KCNMB2: variants seen among roughly 807,000 people sequenced by gnomAD.
KCNMB2 encodes calcium-activated potassium channel subunit beta-2.
KCNMB2 carries 9 observed loss-of-function variants against 24.5 expected under a neutral mutation model. The ratio of observed to expected loss-of-function variants is 0.37; its 90% CI spans 0.22 to 0.64. The LOEUF (loss-of-function observed/expected upper bound fraction) is 0.64. Among genes scored for constraint, KCNMB2 ranks in the 30% least tolerant of loss-of-function variants. The pLI, the probability that KCNMB2 is intolerant of heterozygous loss-of-function variation, is 0.63. For missense variants in KCNMB2, 226 were observed against 284.3 expected, an observed-to-expected ratio of 0.79 and a Z score of 1.47; for synonymous variants, 109 against 104.4, an observed-to-expected ratio of 1.04 and a Z score of -0.27.
At chr3:178,613,584 A>C (rs534684192) in intron 1 of KCNMB2, among the ~76,000 whole-genome samples, 1 of 152,260 alleles carries the variant, frequency 6.6e-6, no homozygotes, top group East Asian at 1.9e-4. Flanking sequence ...TTCATGATGA[A>C]GGATATTTTC....
At chr3:178,539,391 A>G (rs1240799087) in intron 1 of KCNMB2, among the ~76,000 whole-genome samples, 1 of 152,188 alleles carries the variant, frequency 6.6e-6, no homozygotes, top group East Asian at 1.9e-4. Context: ...GAATTGGTGC[A>G]TTTTATTCTC....
At chr3:178,574,568 T>C (rs556646249) in intron 1 of KCNMB2, among the ~76,000 whole-genome samples, 25 of 152,206 alleles carry the variant, frequency 1.6e-4, no homozygotes, top group Admixed American at 4.6e-4. Context: ...GTTTGGCTTA[T>C]CTTTTCTCAT....
At chr3:178,810,075 T>C (rs1714124983) in intron 2 of KCNMB2, among the ~76,000 whole-genome samples, 1 of 152,180 alleles carries the variant, frequency 6.6e-6, no homozygotes, top group South Asian at 2.1e-4. Flanking sequence ...TTGGAAGATA[T>C]GACTCAGATT....
In KCNMB2 at chr3:178,613,568, T is replaced by C. The variant is rs113669169; in HGVS notation, c.-68+76857T>C. On this transcript the variant is annotated intron_variant, in intron 1 of 4. Transcript: ENST00000452583. ...TTTGTTTGTCTGGGAAAGTCTTTAT[T>C]TCTCCTTCATGATGAAGGATATTTT... 3.3e-3 allele frequency among the ~76,000 whole-genome samples: 501 copies of C among 152,282 alleles called. 6 individuals are homozygous for C. The highest frequency in any genetic ancestry group is 0.019 in the East Asian group (98 of 5,192).
intron 1 of KCNMB2, among the ~76,000 whole-genome samples, chr3:178,615,835 G>A (rs1718685572): frequency 6.6e-6 from 1 of 152,194 alleles, no homozygotes; most frequent in Admixed American, 6.5e-5. Context: ...TACAGTACCT[G>A]AGTATCATTG....
At chr3:178,828,977 T>C (rs1487569827) in intron 4 of KCNMB2, among the ~76,000 whole-genome samples, 1 of 149,044 alleles carries the variant, frequency 6.7e-6, no homozygotes, top group Non-Finnish European at 1.5e-5. Context: ...GTGTGTGTTC[T>C]TCACATATGT....
At chr3:178,770,136 C>T (rs1372148412) in intron 1 of KCNMB2, among the ~76,000 whole-genome samples, 3 of 152,210 alleles carry the variant, frequency 2.0e-5, no homozygotes, top group African/African-American at 7.2e-5. Flanking sequence ...TATAGCTCCT[C>T]ATTTCACTCT....
At chr3:178,835,898 T>C (rs558848435) in intron 4 of KCNMB2, among the ~76,000 whole-genome samples, 4 of 152,314 alleles carry the variant, frequency 2.6e-5, no homozygotes, top group Admixed American at 1.3e-4. Flanking sequence ...CTATACATTC[T>C]ATATTGTTTA....
At chr3:178,592,011 G>A (rs889885763) in intron 1 of KCNMB2, among the ~76,000 whole-genome samples, 21 of 151,924 alleles carry the variant, frequency 1.4e-4, no homozygotes, top group Non-Finnish European at 2.2e-4. Context: ...TCCTAGTGTC[G>A]GTTTTAGCCC....
chr3:178,758,128 A>AT (rs1560006598), intron 1 of KCNMB2, among the ~76,000 whole-genome samples: 1 of 92,292 alleles, frequency 1.1e-5, no homozygotes, highest in Non-Finnish European at 2.3e-5. Context: ...ATATATATGT[A>AT]CACACAAGAG....
At chr3:178,651,227 A>T (rs995289197) in intron 1 of KCNMB2, among the ~76,000 whole-genome samples, 4 of 152,222 alleles carry the variant, frequency 2.6e-5, no homozygotes, top group African/African-American at 9.6e-5. Flanking sequence ...GATAAAAATC[A>T]ACGTCTCAGG....
At chr3:178,692,004 T>C (rs1374266863) in intron 1 of KCNMB2, among the ~76,000 whole-genome samples, 3 of 152,214 alleles carry the variant, frequency 2.0e-5, no homozygotes, top group Non-Finnish European at 4.4e-5. Flanking sequence ...TAATGGTCAA[T>C]GATGTTGAGC....
chr3:178,739,403 A>G (rs1723422616), intron 1 of KCNMB2, among the ~76,000 whole-genome samples: 1 of 152,258 alleles, frequency 6.6e-6, no homozygotes, highest in African/African-American at 2.4e-5. Flanking sequence ...AGTGTTTCAA[A>G]GAATTTACCT....
chr3:178,614,317 GTA>G (rs1271997563), intron 1 of KCNMB2, among the ~76,000 whole-genome samples: 1 of 99,698 alleles, frequency 1.0e-5, no homozygotes, highest in African/African-American at 3.6e-5. Context: ...ATATGTATGT[GTA>G]TATATATATG....
chr3:178,825,663 G>A lies in KCNMB2; in HGVS notation c.132G>A (p.Glu44=), dbSNP rs866130813. Residue 44 remains glutamate (E), a synonymous_variant, in exon 3 of 5, where the codon GAG becomes GAA. Coordinates refer to ENST00000452583, the MANE Select transcript of KCNMB2 (RefSeq NM_181361.3). The part of the protein sequence containing the change: ...RKTVTALKAG[E]DRAILLGLAM... The stretch of plus-strand genomic sequence containing the variant: ...CAGTCACAGCACTGAAGGCAGGAGA[G>A]GACCGAGCTATTCTCCTGGGACTGG... 1 of 1,613,420 alleles carries A rather than the reference G, an allele frequency of 6.2e-7. No homozygotes were observed. The highest frequency in any genetic ancestry group is 8.5e-7 in the Non-Finnish European group (1 of 1,179,342).
intron 1 of KCNMB2, among the ~76,000 whole-genome samples, chr3:178,577,073 C>T (rs1360790369): frequency 1.7e-4 from 26 of 152,182 alleles, no homozygotes; most frequent in Admixed American, 1.6e-3. Context: ...CAGGTTGACA[C>T]CTCCCACAAA....
At chr3:178,570,515 CTTTT>C (rs200106452) in intron 1 of KCNMB2, among the ~76,000 whole-genome samples, 9,219 of 113,076 alleles carry the variant, frequency 0.082, 173 homozygotes, top group African/African-American at 0.11. Context: ...GTAATGATAC[CTTTT>C]TTTTTTTTTT....
chr3:178,769,375 G>GTA (rs1241993217), intron 1 of KCNMB2, among the ~76,000 whole-genome samples: 1 of 152,184 alleles, frequency 6.6e-6, no homozygotes, highest in Non-Finnish European at 1.5e-5. Flanking sequence ...AAATGGGAAA[G>GTA]ACCAGCAACC....
chr3:178,597,964 G>A (rs1290613176), intron 1 of KCNMB2, among the ~76,000 whole-genome samples: 1 of 151,778 alleles, frequency 6.6e-6, no homozygotes, highest in African/African-American at 2.4e-5. Flanking sequence ...GTGAAACATG[G>A]AGCCTTAATA....
Sources: allele counts gnomAD v4.1 joint callset (sites outside exome capture counted in the v4.1 genomes callset), GRCh38; gene constraint gnomAD v4.1.1; transcripts MANE v1.5; gene names NCBI Gene and HGNC (gene_info 2026-07-23, HGNC 2026-07-21).